VRTN: variants seen among roughly 807,000 people sequenced by gnomAD.
VRTN encodes vertnin.
Under a neutral mutation model 18.2 loss-of-function variants are expected in VRTN, and 5 were observed. The ratio of observed to expected loss-of-function variants is 0.27; its 90% CI spans 0.14 to 0.58. VRTN has a LOEUF of 0.58. VRTN is among the 20% of genes least tolerant of loss of function. The pLI is 0.91. For synonymous variants in VRTN, 381 were observed against 393.7 expected (o/e 0.97, Z 0.38); for missense variants, 741 against 939.4 (o/e 0.79, Z 2.76).
intron 1 of VRTN, among the ~76,000 whole-genome samples, chr14:74,307,100 C>T (rs932464624): frequency 7.0e-6 from 1 of 143,094 alleles, no homozygotes; most frequent in African/African-American, 2.6e-5. Flanking sequence ...ACTTAGTATA[C>T]AATAAATCAA....
chr14:74,350,394 G>A (rs2085676122), intron 1 of VRTN, among the ~76,000 whole-genome samples: 1 of 152,052 alleles, frequency 6.6e-6, no homozygotes, highest in Non-Finnish European at 1.5e-5. Context: ...AGGGTGGGAC[G>A]AGGAGGGTGG....
At chr14:74,331,540 AATT>A (rs1248186157) in intron 1 of VRTN, among the ~76,000 whole-genome samples, 5 of 91,084 alleles carry the variant, frequency 5.5e-5, no homozygotes, top group Non-Finnish European at 6.4e-5. Context: ...AAAAAAAAAA[AATT>A]TTATATATAT....
chr14:74,353,774 C>G (rs1032931458), intron 1 of VRTN, among the ~76,000 whole-genome samples: 12 of 151,856 alleles, frequency 7.9e-5, no homozygotes, highest in African/African-American at 2.4e-4. Flanking sequence ...CCAGGCTGGA[C>G]TGCAGTGGCG....
chr14:74,305,268 G>T (rs2085338971), intron 1 of VRTN, among the ~76,000 whole-genome samples: 1 of 151,016 alleles, frequency 6.6e-6, no homozygotes, highest in South Asian at 2.1e-4. Context: ...GGAGGCGGAG[G>T]TTGCATTGAA....
intron 1 of VRTN, among the ~76,000 whole-genome samples, chr14:74,329,359 C>T (rs1480772930): frequency 1.3e-5 from 2 of 152,104 alleles, no homozygotes; most frequent in Non-Finnish European, 2.9e-5. Flanking sequence ...AGTGATCCTC[C>T]CATCTCAGCT....
In VRTN at chr14:74,331,428, T is replaced by G. The variant is rs189983369; in HGVS notation, c.-163-6295T>G. ...CCTGTAATTCCAGCTACTCAGGAGGTTGAGGTAGGAGAATCGCTTGAACCC... is the reference window on the plus strand; with the variant it reads ...CCTGTAATTCCAGCTACTCAGGAGGGTGAGGTAGGAGAATCGCTTGAACCC... On this transcript the variant is annotated intron_variant, in intron 1 of 2. Transcript: ENST00000557177. Among the ~76,000 whole-genome samples, 547 of 144,236 alleles carry G rather than the reference T, an allele frequency of 3.8e-3. 6 individuals carry two copies. The highest frequency in any genetic ancestry group is 0.013 in the African/African-American group (520 of 39,216). The allele number at this position is 144,236 out of a possible 152,430, so 94.6% of individuals were successfully genotyped here.
intron 1 of VRTN, among the ~76,000 whole-genome samples, chr14:74,311,709 C>T (rs937356643): frequency 3.3e-5 from 5 of 151,484 alleles, no homozygotes; most frequent in Non-Finnish European, 7.4e-5. Flanking sequence ...CGCTCCCGGC[C>T]GCAGCTTTCT....
upstream of VRTN, among the ~76,000 whole-genome samples, chr14:74,345,936 A>G (rs544625492): frequency 2.0e-4 from 31 of 151,920 alleles, no homozygotes; most frequent in African/African-American, 7.0e-4. Flanking sequence ...AAAAAAAAAA[A>G]AAAAAGAAAA....
At chr14:74,355,405 A>G (rs1433874198) in intron 1 of VRTN, among the ~76,000 whole-genome samples, 1 of 152,180 alleles carries the variant, frequency 6.6e-6, no homozygotes, top group Non-Finnish European at 1.5e-5. Flanking sequence ...CATCCAATGG[A>G]GACATTCATC....
chr14:74,315,818 G>A (rs1192913661), intron 1 of VRTN, among the ~76,000 whole-genome samples: 1 of 152,148 alleles, frequency 6.6e-6, no homozygotes, highest in Non-Finnish European at 1.5e-5. Context: ...AAGCATGATT[G>A]GGCAGAGGGA....
chr14:74,351,744 G>A (rs2085686157), intron 1 of VRTN, among the ~76,000 whole-genome samples: 1 of 151,902 alleles, frequency 6.6e-6, no homozygotes, highest in Admixed American at 6.6e-5. Flanking sequence ...GCCTCCCAAA[G>A]TTCTGGGATT....
At chr14:74,318,493 A>G (rs898117378) in intron 1 of VRTN, among the ~76,000 whole-genome samples, 76 of 148,876 alleles carry the variant, frequency 5.1e-4, no homozygotes, top group Non-Finnish European at 8.2e-4. Flanking sequence ...CTGTTCTTGA[A>G]CTCCCAACCT....
At chr14:74,307,927 A>C (rs1438342886) in intron 1 of VRTN, among the ~76,000 whole-genome samples, 1 of 151,964 alleles carries the variant, frequency 6.6e-6, no homozygotes, top group Non-Finnish European at 1.5e-5. Context: ...ACAGGGTTTC[A>C]CCATATTGGC....
At chr14:74,349,291 C>T (rs2085667527) in intron 1 of VRTN, among the ~76,000 whole-genome samples, 1 of 151,608 alleles carries the variant, frequency 6.6e-6, no homozygotes, top group African/African-American at 2.4e-5. Context: ...CCTCCAGGGC[C>T]ACCGGGGAGG....
rs1278703107 is a variant in VRTN, at chr14:74,358,444, G to C, written c.1661G>C (p.Gly554Ala). The C allele has an allele frequency of 6.8e-6, 11 of 1,614,172 alleles. No individual in the cohort carries two copies. The highest frequency in any genetic ancestry group is 1.7e-5 in the Admixed American group (1 of 60,036). The part of the protein sequence containing the change: ...WKSLARGWPR[G>A]LSKLQVPVPT... ...AGTCTTGCTCGGGGTTGGCCCAGAGGCCTGTCCAAACTTCAGGTGCCGGTC... is the reference window on the plus strand; with the variant it reads ...AGTCTTGCTCGGGGTTGGCCCAGAGCCCTGTCCAAACTTCAGGTGCCGGTC... Residue 554 changes from glycine (G) to alanine (A), a missense_variant, in exon 2 of 2, where the codon GGC (glycine) becomes GCC (alanine). By Grantham distance (60) the Gly-to-Ala change is moderately conservative. This residue lies in a region of VRTN where 494 missense variants were observed against 546.5 expected (regional missense o/e 0.90). Transcript: ENST00000256362. The surrounding 1 kb of genome is among the most constrained non-coding windows in gnomAD (Gnocchi z 5.4).
intron 2 of VRTN, among the ~76,000 whole-genome samples, chr14:74,341,474 T>C (rs2140206894): frequency 6.6e-6 from 1 of 152,352 alleles, no homozygotes; most frequent in South Asian, 2.1e-4. Context: ...AATTTAAACA[T>C]AAACATTGTT....
intron 2 of VRTN, among the ~76,000 whole-genome samples, chr14:74,341,380 T>C (rs2085604663): frequency 6.6e-6 from 1 of 152,214 alleles, no homozygotes; most frequent in African/African-American, 2.4e-5. Context: ...ACCCAATCAA[T>C]GTCCTGTTCA....
chr14:74,331,769 G>A (rs1221317894), intron 1 of VRTN, among the ~76,000 whole-genome samples: 2 of 150,210 alleles, frequency 1.3e-5, no homozygotes, highest in Admixed American at 1.3e-4. Flanking sequence ...TGCCTTTCAC[G>A]CAGACATTGA....
Position 74,342,987 on chromosome 14 carries a change from GAAAAAC to G in VRTN, c.-2+5109_-2+5114del, listed in dbSNP as rs1385544571. On this transcript the variant is annotated intron_variant, in intron 2 of 2. Coordinates refer to the VRTN transcript ENST00000557177. ...AAAATGTAAATTAAAACTATACTGA[GAAAAAC>G]AAAAAAACTATACTGAGGGAATAAT... Among the ~76,000 whole-genome samples, 4 of 151,506 alleles carry G rather than the reference GAAAAAC, an allele frequency of 2.6e-5. No homozygotes were observed. In the East Asian group the frequency reaches 7.7e-4, roughly 29 times the overall value.
Sources: gnomAD v4.1 joint callset for allele counts (sites outside exome capture counted in the v4.1 genomes callset) on GRCh38, gnomAD v4.1.1 for gene constraint, gnomAD v4.1.1 regional missense constraint, Gnocchi (gnomAD v3.1) non-coding constraint, MANE v1.5 for transcripts, NCBI Gene and HGNC (gene_info 2026-07-23, HGNC 2026-07-21) for gene names.